CES5A: variants seen among roughly 807,000 people sequenced by gnomAD.
The protein encoded by CES5A is carboxylesterase 5A.
A neutral mutation model predicts 62.9 loss-of-function variants in CES5A; 67 were observed. The observed-to-expected ratio is 1.07, with a 90% confidence interval of 0.88 to 1.31. CES5A has a LOEUF of 1.31. Among genes scored for constraint, CES5A ranks in the 50% most tolerant of loss-of-function variants. CES5A has a pLI of 0.00. For synonymous variants in CES5A, 296 were observed against 280.8 expected (o/e 1.05, Z -0.54); for missense variants, 748 against 708.5 (o/e 1.06, Z -0.63).
chr16:55,954,375 A>T (rs2034587167), intron 1 of CES5A, among the ~76,000 whole-genome samples: 1 of 152,206 alleles, frequency 6.6e-6, no homozygotes, highest in Non-Finnish European at 1.5e-5. Context: ...AAAATGGAAA[A>T]CAAAGCCTGG....
At chr16:55,864,080 C>T (rs1455557470) in intron 5 of CES5A, among the ~76,000 whole-genome samples, 2 of 152,074 alleles carry the variant, frequency 1.3e-5, no homozygotes, top group African/African-American at 4.8e-5. Context: ...CGGTTCACTC[C>T]CCTGTAAAAC....
chr16:55,920,580 C>T (rs777208722), intron 1 of CES5A, among the ~76,000 whole-genome samples: 25 of 152,168 alleles, frequency 1.6e-4, no homozygotes, highest in African/African-American at 3.9e-4. Flanking sequence ...GGGCTTAAAG[C>T]GCTACCTAGA....
chr16:55,866,666 AAAAAAAAAAAAATAC>A (rs1368675680), intron 4 of CES5A, among the ~76,000 whole-genome samples: 10 of 139,286 alleles, frequency 7.2e-5, no homozygotes, highest in Admixed American at 3.5e-4. Flanking sequence ...GCTAAAAAAA[AAAAAAAAAAAAATAC>A]AAAAAAATTA....
At chr16:55,928,443 G>A (rs2034279231), upstream of CES5A, among the ~76,000 whole-genome samples, 1 of 151,842 alleles carries the variant, frequency 6.6e-6, no homozygotes. Flanking sequence ...GGGGGATAAG[G>A]GACAAAAAAA....
In CES5A at chr16:55,873,758, A is replaced by G. The variant is rs2033641605; in HGVS notation, c.278+75T>C. 3.7e-6 allele frequency: 5 copies of G among 1,343,324 alleles called. No individual in the cohort carries two copies. The East Asian group carries it at 1.2e-4, about 32-fold the overall frequency. The allele number at this position is 1,343,324 out of a possible 1,614,324, so 83.2% of individuals were successfully genotyped here. ...CATCCATGCCAATCCCTCTTCTTTC[A>G]CACTGGGCTGCATGACCTGAATTCC... On this transcript the variant is annotated intron_variant, in intron 2 of 12. Transcript: ENST00000290567.
intron 1 of CES5A, among the ~76,000 whole-genome samples, chr16:55,919,580 C>T (rs926716858): frequency 1.3e-5 from 2 of 152,120 alleles, no homozygotes; most frequent in Non-Finnish European, 2.9e-5. Context: ...TGCTTTCTAC[C>T]CTTGTTCAAA....
At chr16:55,944,234 C>T (rs577707725) in intron 2 of CES5A, 4 of 622,742 alleles carry the variant, frequency 6.4e-6, no homozygotes, top group South Asian at 3.7e-5. Context: ...AGACCCCTCT[C>T]CTCCAGGGAC....
At chr16:55,949,943 TAAC>T (rs773790328) in intron 1 of CES5A, 5 of 890,952 alleles carry the variant, frequency 5.6e-6, no homozygotes, top group South Asian at 4.0e-5. Context: ...ACATTGATGA[TAAC>T]AATAATATAA....
chr16:55,948,673 C>A (rs779930402), intron 2 of CES5A, among the ~76,000 whole-genome samples: 1 of 152,072 alleles, frequency 6.6e-6, no homozygotes, highest in Non-Finnish European at 1.5e-5. Context: ...AGTTGAGGGT[C>A]CCAAGATTTT....
intron 2 of CES5A, among the ~76,000 whole-genome samples, chr16:55,943,390 G>A (rs2034464323): frequency 6.6e-6 from 1 of 152,310 alleles, no homozygotes; most frequent in African/African-American, 2.4e-5. Context: ...AGGGACTAAA[G>A]CCCAGGTGTT....
At chr16:55,892,577 CA>C (rs1162589209) in intron 1 of CES5A, among the ~76,000 whole-genome samples, 1 of 152,032 alleles carries the variant, frequency 6.6e-6, no homozygotes, top group Non-Finnish European at 1.5e-5. Context: ...TAGCTTAATA[CA>C]AAAAACTCAA....
chr16:55,950,823 C>T lies in CES5A; in HGVS notation c.43-921G>A, dbSNP rs1044496287. ...GTAAATAAAAAGACCCACACTTGGCCGGGCACGGGTGGCTCAAGCCTGTAA... is the reference window on the plus strand; with the variant it reads ...GTAAATAAAAAGACCCACACTTGGCTGGGCACGGGTGGCTCAAGCCTGTAA... On this transcript the variant is annotated intron_variant, in intron 1 of 13. Coordinates refer to the CES5A transcript ENST00000521992. 5.3e-5 allele frequency among the ~76,000 whole-genome samples: 8 copies of T among 152,098 alleles called. No individual in the cohort carries two copies. In the East Asian group the frequency reaches 1.2e-3, roughly 22 times the overall value.
upstream of CES5A, among the ~76,000 whole-genome samples, chr16:55,929,085 C>T (rs960010965): frequency 3.9e-5 from 6 of 152,230 alleles, no homozygotes; most frequent in Admixed American, 2.6e-4. Context: ...TCTAGAAGCA[C>T]ATGGCCAGTG....
chr16:55,936,663 C>G (rs1472119056), intron 2 of CES5A, among the ~76,000 whole-genome samples: 1 of 152,184 alleles, frequency 6.6e-6, no homozygotes, highest in Non-Finnish European at 1.5e-5. Flanking sequence ...AGAGGATTAG[C>G]TAATTCAGTG....
intron 1 of CES5A, among the ~76,000 whole-genome samples, chr16:55,889,362 C>T (rs530877264): frequency 7.2e-5 from 11 of 152,254 alleles, no homozygotes; most frequent in Admixed American, 5.9e-4. Flanking sequence ...CTTCAGATGC[C>T]AGTTGCAAGT....
At chr16:55,912,472 T>C (rs1054179015) in intron 1 of CES5A, among the ~76,000 whole-genome samples, 2 of 151,430 alleles carry the variant, frequency 1.3e-5, no homozygotes, top group African/African-American at 4.9e-5. Flanking sequence ...CAGAAAGTTG[T>C]CATGGAGGAG....
intron 1 of CES5A, among the ~76,000 whole-genome samples, chr16:55,921,820 CTG>C (rs1476023791): frequency 2.0e-5 from 3 of 151,806 alleles, no homozygotes; most frequent in Non-Finnish European, 4.4e-5. Flanking sequence ...CTACAGCAAA[CTG>C]TTAAGAAATG....
intron 2 of CES5A, among the ~76,000 whole-genome samples, chr16:55,945,305 G>A (rs752096743): frequency 3.3e-4 from 50 of 152,208 alleles, no homozygotes; most frequent in Non-Finnish European, 6.0e-4. Flanking sequence ...TAATGGCTTG[G>A]AAAAGTTAAG....
intron 5 of CES5A, 110 bp from the exon 6 acceptor site, chr16:55,863,562 C>T: frequency 1.5e-6 from 1 of 678,260 alleles, no homozygotes; most frequent in South Asian, 1.7e-5. Flanking sequence ...AAGCTCTAAG[C>T]TTAGAGGGGA....
Sources: gnomAD v4.1 joint callset for allele counts (sites outside exome capture counted in the v4.1 genomes callset) on GRCh38, gnomAD v4.1.1 for gene constraint, MANE v1.5 for transcripts, NCBI Gene and HGNC (gene_info 2026-07-23, HGNC 2026-07-21) for gene names.